The following WWOX variants were observed in gnomAD, a reference collection of about 807,000 sequenced individuals.
The protein encoded by WWOX is WW domain containing oxidoreductase.
A neutral mutation model predicts 46.2 loss-of-function variants in WWOX; 69 were observed. That is an observed-to-expected ratio of 1.49 (90% CI 1.23 to 1.82). WWOX has a LOEUF of 1.82. Among genes scored for constraint, WWOX ranks in the 40% most tolerant of loss-of-function variants. The pLI, the probability that WWOX is intolerant of heterozygous loss-of-function variation, is 0.00. For missense variants in WWOX, 919 were observed against 542.6 expected (o/e 1.69, Z -6.89); for synonymous variants, 359 against 202.6 (o/e 1.77, Z -6.56).
At chr16:78,798,878 C>T (rs985839756) in intron 8 of WWOX, among the ~76,000 whole-genome samples, 1 of 152,146 alleles carries the variant, frequency 6.6e-6, no homozygotes, top group Non-Finnish European at 1.5e-5. Context: ...TAGGCAGTGT[C>T]CTTTTCTCCC....
intron 8 of WWOX, among the ~76,000 whole-genome samples, chr16:78,681,969 G>T (rs752265121): frequency 4.6e-5 from 7 of 152,252 alleles, no homozygotes; most frequent in African/African-American, 1.7e-4. Flanking sequence ...AGATGTCACT[G>T]ATGCTTACAG....
chr16:78,524,753 T>C (rs575029020), intron 8 of WWOX, among the ~76,000 whole-genome samples: 24 of 151,586 alleles, frequency 1.6e-4, no homozygotes, highest in Admixed American at 9.2e-4. Context: ...AGTATTAGCA[T>C]TGTGATAAAT....
intron 8 of WWOX, among the ~76,000 whole-genome samples, chr16:78,813,967 C>G (rs181812788): frequency 6.6e-6 from 1 of 152,170 alleles, no homozygotes; most frequent in African/African-American, 2.4e-5. Context: ...ACCCCCAATT[C>G]TATAGGTTCT....
chr16:78,653,680 C>G (rs573078223), intron 8 of WWOX, among the ~76,000 whole-genome samples: 31 of 152,212 alleles, frequency 2.0e-4, no homozygotes, highest in African/African-American at 7.0e-4. Flanking sequence ...GTGGAAAGAA[C>G]CTGGGTGCAT....
chr16:78,877,442 G>A (rs988416792), intron 8 of WWOX, among the ~76,000 whole-genome samples: 3 of 152,078 alleles, frequency 2.0e-5, no homozygotes, highest in African/African-American at 7.2e-5. Flanking sequence ...AGCACCATGA[G>A]CTGTTCTTCT....
rs142951417 is a variant in WWOX, at chr16:78,569,440, C to G, written c.1056+136688C>G. Among the ~76,000 whole-genome samples, 234 of 152,266 alleles carry G rather than the reference C, an allele frequency of 1.5e-3. 2 individuals are homozygous for G. Among genetic ancestry groups the G allele is most frequent in the African/African-American group, 5.5e-3 (227 of 41,548 alleles). ...GTCAAGTCATTTAATTTATCATAAA[C>G]CATTTAAGGAGCAGTTGGAGAAAAG... On this transcript the variant is annotated intron_variant, in intron 8 of 8. Coordinates refer to ENST00000566780, the MANE Select transcript of WWOX (RefSeq NM_016373.4).
At chr16:78,115,915 T>A (rs570704002) in intron 4 of WWOX, among the ~76,000 whole-genome samples, 2 of 152,324 alleles carry the variant, frequency 1.3e-5, no homozygotes, top group South Asian at 4.2e-4. Flanking sequence ...TCTGTCAAGT[T>A]CTCTCTGTCC....
chr16:78,825,991 A>C, intron 8 of WWOX: 1 of 714,078 alleles, frequency 1.4e-6, no homozygotes, highest in Non-Finnish European at 2.3e-6. Flanking sequence ...TGCCCCAGCC[A>C]GTCCCCATAG....
At chr16:79,133,896 T>C (rs367963241) in intron 8 of WWOX, among the ~76,000 whole-genome samples, 1 of 152,212 alleles carries the variant, frequency 6.6e-6, no homozygotes, top group Non-Finnish European at 1.5e-5. Flanking sequence ...GTAGATTTTT[T>C]TGGGGGCATT....
intron 5 of WWOX, among the ~76,000 whole-genome samples, chr16:78,188,926 A>G (rs538941774): frequency 1.3e-5 from 2 of 152,294 alleles, no homozygotes; most frequent in South Asian, 2.1e-4. Flanking sequence ...CTTTAAAGTT[A>G]TTGAAGCAGG....
chr16:78,815,629 G>T (rs1183200217), intron 8 of WWOX, among the ~76,000 whole-genome samples: 1 of 152,198 alleles, frequency 6.6e-6, no homozygotes, highest in Non-Finnish European at 1.5e-5. Flanking sequence ...TCTCTGGAAG[G>T]AAACTTCGTC....
chr16:78,245,927 A>G (rs1597396401), intron 5 of WWOX, among the ~76,000 whole-genome samples: 1 of 152,256 alleles, frequency 6.6e-6, no homozygotes, highest in African/African-American at 2.4e-5. Context: ...GGGAATTCTA[A>G]CCCTCTTGCC....
At chr16:78,434,558 C>T (rs1382067131) in intron 8 of WWOX, among the ~76,000 whole-genome samples, 1 of 152,160 alleles carries the variant, frequency 6.6e-6, no homozygotes, top group Non-Finnish European at 1.5e-5. Context: ...TCTGCTGGCC[C>T]AGTGCCTTCC....
intron 8 of WWOX, among the ~76,000 whole-genome samples, chr16:79,058,112 AAAAAAAAACAAACAAAC>A (rs1170822531): frequency 8.5e-4 from 70 of 82,474 alleles, no homozygotes; most frequent in African/African-American, 5.3e-3. Context: ...TACTTAAAAA[AAAAAAAAACAAACAAAC>A]AAAAAAAAAA....
intron 8 of WWOX, among the ~76,000 whole-genome samples, chr16:78,902,194 G>A (rs760871897): frequency 7.9e-5 from 12 of 152,328 alleles, no homozygotes; most frequent in Admixed American, 3.9e-4. Context: ...ATCCGGTGGT[G>A]TCTGAAACCA....
intron 8 of WWOX, among the ~76,000 whole-genome samples, chr16:78,546,151 C>T (rs986539167): frequency 1.3e-5 from 2 of 152,088 alleles, no homozygotes; most frequent in African/African-American, 4.8e-5. Flanking sequence ...CATAATTAAT[C>T]ACAAAAAGCT....
intron 8 of WWOX, among the ~76,000 whole-genome samples, chr16:79,154,259 C>G (rs1039707608): frequency 2.6e-5 from 4 of 152,190 alleles, no homozygotes; most frequent in African/African-American, 7.2e-5. Flanking sequence ...GCCCTGGACA[C>G]CGGTGAGGTC....
At chr16:78,289,178 G>C (rs911870689) in intron 5 of WWOX, among the ~76,000 whole-genome samples, 1 of 152,146 alleles carries the variant, frequency 6.6e-6, no homozygotes, top group Non-Finnish European at 1.5e-5. Context: ...ATGCCAGTCT[G>C]TTTCTTCCCG....
intron 5 of WWOX, among the ~76,000 whole-genome samples, chr16:78,306,058 C>G (rs1266776910): frequency 6.6e-6 from 1 of 152,072 alleles, no homozygotes; most frequent in Non-Finnish European, 1.5e-5. Flanking sequence ...ATATAGACAC[C>G]TGCCCACAGA....
Sources: gnomAD v4.1 joint callset for allele counts (sites outside exome capture counted in the v4.1 genomes callset) on GRCh38, gnomAD v4.1.1 for gene constraint, MANE v1.5 for transcripts, NCBI Gene and HGNC (gene_info 2026-07-23, HGNC 2026-07-21) for gene names.